PLXDC1: variants seen among roughly 807,000 people sequenced by gnomAD.
PLXDC1 encodes plexin domain-containing protein 1.
PLXDC1 carries 39 observed loss-of-function variants against 61.3 expected under a neutral mutation model. That is an observed-to-expected ratio of 0.64 (90% CI 0.49 to 0.83). PLXDC1 has a LOEUF of 0.83. PLXDC1 is among the 40% of genes least tolerant of loss of function. PLXDC1 has a pLI of 0.00. For missense variants in PLXDC1, 596 were observed against 666.5 expected (o/e 0.89, Z 1.17); for synonymous variants, 212 against 254.5 (o/e 0.83, Z 1.59).
intron 12 of PLXDC1, chr17:39,071,874 T>G: frequency 6.4e-6 from 1 of 155,908 alleles, no homozygotes; most frequent in East Asian, 1.9e-4. Context: ...TTGCACAGGT[T>G]GCCGCAAAGG....
At chr17:39,087,457 G>A (rs925273500) in intron 8 of PLXDC1, 150 bp downstream of exon 8, 18 of 642,244 alleles carry the variant, frequency 2.8e-5, no homozygotes, top group Non-Finnish European at 2.8e-6. Context: ...GGAGGGAGGT[G>A]GCATCAGGCT....
chr17:39,082,625 A>G (rs1909605385), intron 9 of PLXDC1, among the ~76,000 whole-genome samples: 1 of 151,900 alleles, frequency 6.6e-6, no homozygotes, highest in East Asian at 1.9e-4. Context: ...CTGCACAGGA[A>G]CTCAGAGACT....
upstream of PLXDC1, among the ~76,000 whole-genome samples, chr17:39,151,826 C>G (rs1466461229): frequency 6.6e-6 from 1 of 152,178 alleles, no homozygotes; most frequent in Admixed American, 6.5e-5. The surrounding 1 kb of genome is among the most constrained non-coding windows in gnomAD (Gnocchi z 5.2). Context: ...GGGCGGGAGC[C>G]CCTCGGGCTG....
chr17:39,108,041 TC>T, intron 5 of PLXDC1, 81 bp downstream of exon 5: 6 of 1,560,374 alleles, frequency 3.8e-6, no homozygotes, highest in Admixed American at 1.7e-5. Context: ...ACCCTTGCCC[TC>T]TCTAGGCCCT....
intron 2 of PLXDC1, among the ~76,000 whole-genome samples, chr17:39,138,540 C>T (rs771153462): frequency 1.2e-4 from 19 of 152,080 alleles, no homozygotes; most frequent in African/African-American, 4.6e-4. Flanking sequence ...TGAATAGGTA[C>T]GGCCTAAAAC....
Position 39,069,895 on chromosome 17 carries a change from A to G in PLXDC1, c.1344T>C (p.Asn448=). Residue 448 remains asparagine, a synonymous_variant, in exon 13 of 14, where the codon AAT becomes AAC. Coordinates refer to ENST00000315392, the MANE Select transcript of PLXDC1 (RefSeq NM_020405.5). ...AAIILAGIYI[N]GHPTSNAALF... ...GCGCAGCATTGGATGTGGGGTGGCCATTGATGTAAATTCCAGCCAGGATGA... is the reference window on the plus strand; with the variant it reads ...GCGCAGCATTGGATGTGGGGTGGCCGTTGATGTAAATTCCAGCCAGGATGA... The G allele has an allele frequency of 3.1e-6, 5 of 1,613,994 alleles. No individual in the cohort carries two copies. Among genetic ancestry groups the G allele is most frequent in the Middle Eastern group, 3.3e-4 (2 of 6,060 alleles).
intron 10 of PLXDC1, among the ~76,000 whole-genome samples, chr17:39,078,821 C>T (rs1909441438): frequency 6.6e-6 from 1 of 152,204 alleles, no homozygotes; most frequent in African/African-American, 2.4e-5. Context: ...AGGCCATGCC[C>T]AACATCCCCT....
At chr17:39,090,297 G>T (rs113818666) in intron 7 of PLXDC1, among the ~76,000 whole-genome samples, 3 of 152,094 alleles carry the variant, frequency 2.0e-5, no homozygotes, top group South Asian at 2.1e-4. Flanking sequence ...TCTGGCATTG[G>T]TGTCAATAAA....
At chr17:39,112,629 A>G (rs149211632) in intron 2 of PLXDC1, among the ~76,000 whole-genome samples, 2 of 151,742 alleles carry the variant, frequency 1.3e-5, no homozygotes, top group Middle Eastern at 3.4e-3. Context: ...AGCCCAGCCC[A>G]TCATTTAAAT....
At chr17:39,131,062 C>A (rs550613885) in intron 2 of PLXDC1, among the ~76,000 whole-genome samples, 2 of 152,284 alleles carry the variant, frequency 1.3e-5, no homozygotes, top group African/African-American at 4.8e-5. Flanking sequence ...CCACCAGGAC[C>A]AAGAACCATC....
intron 7 of PLXDC1, among the ~76,000 whole-genome samples, chr17:39,090,099 T>A (rs1426314254): frequency 6.6e-6 from 1 of 152,000 alleles, no homozygotes; most frequent in Non-Finnish European, 1.5e-5. Flanking sequence ...ATGCCTGGCC[T>A]GTATCTCATT....
At chr17:39,140,528 A>G (rs963760510) in intron 1 of PLXDC1, among the ~76,000 whole-genome samples, 2 of 152,190 alleles carry the variant, frequency 1.3e-5, no homozygotes, top group African/African-American at 4.8e-5. Flanking sequence ...GATGGTCTCA[A>G]TCTCCTGACC....
intron 4 of PLXDC1, 36 bp downstream of exon 4, chr17:39,108,868 C>G (rs1253190399): frequency 2.0e-6 from 3 of 1,511,326 alleles, no homozygotes; most frequent in Admixed American, 3.4e-5. Context: ...GCTGAGGTCT[C>G]CAGACTCTCC....
At chr17:39,148,815 C>A (rs1484334292) in intron 1 of PLXDC1, among the ~76,000 whole-genome samples, 1 of 152,150 alleles carries the variant, frequency 6.6e-6, no homozygotes, top group Non-Finnish European at 1.5e-5. Context: ...CCTCCCACCT[C>A]AGCCTCCCAA....
chr17:39,104,030 A>G (rs1248693438), intron 7 of PLXDC1, among the ~76,000 whole-genome samples: 2 of 152,160 alleles, frequency 1.3e-5, no homozygotes. Flanking sequence ...CACCAGCATG[A>G]GGACACTGCT....
At chr17:39,118,226 T>C (rs1357696144) in intron 2 of PLXDC1, among the ~76,000 whole-genome samples, 1 of 151,684 alleles carries the variant, frequency 6.6e-6, no homozygotes, top group Admixed American at 6.6e-5. Context: ...TTTTTTGAGA[T>C]GGAGTTTCGT....
At chr17:39,094,941 C>T (rs1238035123) in intron 7 of PLXDC1, among the ~76,000 whole-genome samples, 2 of 152,182 alleles carry the variant, frequency 1.3e-5, no homozygotes, top group East Asian at 3.9e-4. Context: ...AGAGCTTTCC[C>T]TCATCAGAAG....
chr17:39,063,422 G>T lies in PLXDC1; in HGVS notation c.*4418C>A. On this transcript the variant is annotated 3_prime_UTR_variant, in exon 14 of 14. Coordinates refer to ENST00000315392, the MANE Select transcript of PLXDC1 (RefSeq NM_020405.5). ...GTAAACAGCTGGGGTTTCTTTTTAGGCTGTTTCTCTTGGAGGTGGTGCAGG... is the reference window on the plus strand; with the variant it reads ...GTAAACAGCTGGGGTTTCTTTTTAGTCTGTTTCTCTTGGAGGTGGTGCAGG... 1.4e-6 allele frequency: 1 copy of T among 701,170 alleles called. No homozygotes were observed. The highest frequency in any genetic ancestry group is 2.6e-6 in the Non-Finnish European group (1 of 384,530). 43.4% of individuals were successfully genotyped at this position (701,170 alleles called of 1,614,324 possible).
At chr17:39,118,325 T>C (rs1911058521) in intron 2 of PLXDC1, among the ~76,000 whole-genome samples, 1 of 152,088 alleles carries the variant, frequency 6.6e-6, no homozygotes, top group Non-Finnish European at 1.5e-5. Flanking sequence ...TGCCTCACCC[T>C]CCAGAGTCTC....
Sources: allele counts gnomAD v4.1 joint callset (sites outside exome capture counted in the v4.1 genomes callset), GRCh38; gene constraint gnomAD v4.1.1; non-coding constraint Gnocchi (gnomAD v3.1); transcripts MANE v1.5; gene names NCBI Gene and HGNC (gene_info 2026-07-23, HGNC 2026-07-21).